LNX1: variants seen among roughly 807,000 people sequenced by gnomAD.
LNX1 encodes the protein E3 ubiquitin-protein ligase LNX.
In LNX1, 54 loss-of-function variants were observed where a neutral mutation model predicts 68.4. The ratio of observed to expected loss-of-function variants is 0.79; its 90% CI spans 0.63 to 0.99. The LOEUF (loss-of-function observed/expected upper bound fraction) is 0.99, where lower values mean the gene tolerates loss of function less well. Ranked by LOEUF, LNX1 falls within the 50% of genes least tolerant of loss-of-function variation. The pLI is 0.00. For missense variants in LNX1, 906 were observed against 926.4 expected, an observed-to-expected ratio of 0.98 and a Z score of 0.29; for synonymous variants, 336 against 350.0, an observed-to-expected ratio of 0.96 and a Z score of 0.45.
chr4:53,610,499 A>C (rs1223570347), intron 2 of LNX1, among the ~76,000 whole-genome samples: 1 of 152,082 alleles, frequency 6.6e-6, no homozygotes, highest in African/African-American at 2.4e-5. Context: ...CGAGGTCAGG[A>C]GATCGAGACC....
intron 2 of LNX1, among the ~76,000 whole-genome samples, chr4:53,547,893 G>T (rs771886442): frequency 5.3e-5 from 8 of 151,148 alleles, no homozygotes; most frequent in Non-Finnish European, 1.2e-4. Context: ...GTCCTGGCAT[G>T]CATGTGCCTT....
chr4:53,467,342 C>T (rs1193075925), intron 9 of LNX1, among the ~76,000 whole-genome samples: 6 of 152,030 alleles, frequency 3.9e-5, no homozygotes, highest in South Asian at 2.1e-4. Context: ...CCCATCAGTA[C>T]GTCACCATCA....
At chr4:53,519,965 CT>C (rs1727090843) in intron 2 of LNX1, among the ~76,000 whole-genome samples, 1 of 152,198 alleles carries the variant, frequency 6.6e-6, no homozygotes, top group Admixed American at 6.5e-5. Flanking sequence ...GGTGCTCACC[CT>C]ATAAGTGACA....
chr4:53,536,965 G>A (rs925661305), intron 2 of LNX1, among the ~76,000 whole-genome samples: 1 of 152,160 alleles, frequency 6.6e-6, no homozygotes, highest in African/African-American at 2.4e-5. Context: ...CTGACTTGGT[G>A]TTAACAGTGA....
rs750513978 is a variant in LNX1 at position 53,635,015 on chromosome 4, G to A, written c.-215+17153C>T. On this transcript the variant is annotated intron_variant, in intron 1 of 2. Coordinates refer to the LNX1 transcript ENST00000507168. ...TAATTTTTAGATTTATTTTTTGTAC[G>A]CAAGAAGTCTCACTATGTTGCCCAG... Among the ~76,000 whole-genome samples the A allele has an allele frequency of 5.9e-5, 9 of 151,278 alleles. No individual in the cohort carries two copies. The South Asian group carries it at 8.4e-4, about 14-fold the overall frequency.
intron 1 of LNX1, chr4:53,576,499 C>G: frequency 1.6e-6 from 2 of 1,224,840 alleles, no homozygotes; most frequent in Non-Finnish European, 2.1e-6. Flanking sequence ...GAGGCAGGCT[C>G]TTCATCCAGG....
intron 5 of LNX1, 66 bp downstream of exon 5, chr4:53,498,575 T>G: frequency 8.7e-7 from 1 of 1,147,232 alleles, no homozygotes; most frequent in Non-Finnish European, 1.3e-6. Flanking sequence ...ATCTATCCAA[T>G]TGTTTGCTCA....
At chr4:53,633,972 T>C (rs1268812037) in intron 1 of LNX1, among the ~76,000 whole-genome samples, 1 of 152,190 alleles carries the variant, frequency 6.6e-6, no homozygotes, top group Non-Finnish European at 1.5e-5. Context: ...CCACACCCAG[T>C]GCAGAAGCTG....
At chr4:53,564,962 A>G (rs1368971518) in intron 2 of LNX1, among the ~76,000 whole-genome samples, 1 of 152,188 alleles carries the variant, frequency 6.6e-6, no homozygotes, top group Non-Finnish European at 1.5e-5. Context: ...ATGGCGCACC[A>G]CGAGATTATA....
At position 53,481,852 on chromosome 4, in the gene LNX1, G is replaced by T. The variant is rs780227760; in HGVS notation, c.1353C>A (p.Ala451=). Residue 451 remains alanine, a splice_region_variant and synonymous_variant, in exon 7 of 11, where the codon GCC becomes GCA. Transcript: ENST00000263925. Reference sequence around the variant, plus strand: ...CGACGAGGTGAACACGTCTTTCACTGGCCTGGGCAAGAAGACACAGGCATT... The same window carrying T: ...CGACGAGGTGAACACGTCTTTCACTTGCCTGGGCAAGAAGACACAGGCATT... ...SPESAAHLIQ[A]SERRVHLVVS... is the part of the protein sequence containing the mutation. The T allele has an allele frequency of 1.3e-6, 2 of 1,594,090 alleles. No individual in the cohort carries two copies. The highest frequency in any genetic ancestry group is 1.7e-6 in the Non-Finnish European group (2 of 1,168,302).
chr4:53,504,717 T>C (rs1486829842), intron 4 of LNX1, among the ~76,000 whole-genome samples: 2 of 152,226 alleles, frequency 1.3e-5, no homozygotes, highest in Non-Finnish European at 2.9e-5. Context: ...TCCTTTCACT[T>C]GAATACTCAA....
intron 9 of LNX1, among the ~76,000 whole-genome samples, chr4:53,462,747 T>C (rs1475248847): frequency 6.6e-6 from 1 of 152,164 alleles, no homozygotes; most frequent in Non-Finnish European, 1.5e-5. Context: ...TCTATCGTCA[T>C]ACATACACAT....
At chr4:53,465,015 C>T (rs886596915) in intron 9 of LNX1, among the ~76,000 whole-genome samples, 13 of 152,064 alleles carry the variant, frequency 8.5e-5, no homozygotes, top group Admixed American at 2.6e-4. Context: ...AATTTATCAC[C>T]TACTTGATAA....
At chr4:53,552,545 T>G (rs892390769) in intron 2 of LNX1, among the ~76,000 whole-genome samples, 1 of 152,160 alleles carries the variant, frequency 6.6e-6, no homozygotes, top group Non-Finnish European at 1.5e-5. Context: ...CTTAAATATT[T>G]AGGCTAGGCG....
intron 2 of LNX1, among the ~76,000 whole-genome samples, chr4:53,512,527 G>A (rs1461203944): frequency 9.1e-6 from 1 of 109,898 alleles, no homozygotes; most frequent in Non-Finnish European, 1.9e-5. Context: ...TGCATGCAGA[G>A]GGGAGATGAC....
chr4:53,475,946 T>C (rs1281695352), intron 9 of LNX1, among the ~76,000 whole-genome samples: 1 of 152,134 alleles, frequency 6.6e-6, no homozygotes, highest in Non-Finnish European at 1.5e-5. Context: ...TGCTTAAACA[T>C]CTTAGCAAAG....
chr4:53,516,165 C>A (rs1726767709), intron 2 of LNX1, among the ~76,000 whole-genome samples: 1 of 152,038 alleles, frequency 6.6e-6, no homozygotes, highest in South Asian at 2.1e-4. Flanking sequence ...CTGCTTGAGC[C>A]CAGAAGTTCA....
At chr4:53,517,115 G>A (rs1726847362) in intron 2 of LNX1, among the ~76,000 whole-genome samples, 1 of 152,148 alleles carries the variant, frequency 6.6e-6, no homozygotes, top group African/African-American at 2.4e-5. Flanking sequence ...ACAGGGTCTG[G>A]CAGGGTGGGG....
intron 6 of LNX1, among the ~76,000 whole-genome samples, chr4:53,490,191 G>A (rs531677411): frequency 6.6e-6 from 1 of 152,108 alleles, no homozygotes; most frequent in Non-Finnish European, 1.5e-5. Flanking sequence ...ATTATCATTG[G>A]CTCTAGAAAT....
Sources: allele counts gnomAD v4.1 joint callset (sites outside exome capture counted in the v4.1 genomes callset), GRCh38; gene constraint gnomAD v4.1.1; transcripts MANE v1.5; gene names NCBI Gene and HGNC (gene_info 2026-07-23, HGNC 2026-07-21).